The following SNRPD3 variants were observed in gnomAD, a reference collection of about 807,000 sequenced individuals.
SNRPD3 encodes the protein small nuclear ribonucleoprotein D3 polypeptide.
For missense variants in SNRPD3, 73 were observed against 167.5 expected (o/e 0.44, Z 3.11); for synonymous variants, 66 against 58.4 (o/e 1.13, Z -0.59).
intron 2 of SNRPD3, 55 bp from the exon 3 acceptor site, chr22:24,567,929 T>TC: frequency 7.1e-7 from 1 of 1,417,294 alleles, no homozygotes; most frequent in Non-Finnish European, 9.7e-7. Flanking sequence ...GTCAAGGCCC[T>TC]CCCCACCGCT....
At chr22:24,570,571 T>C (rs975360226) in intron 3 of SNRPD3, among the ~76,000 whole-genome samples, 1 of 151,998 alleles carries the variant, frequency 6.6e-6, no homozygotes, top group African/African-American at 2.4e-5. Flanking sequence ...TAGTCCCAGC[T>C]ACTCGGGAGG....
At position 24,565,358 on chromosome 22, in the gene SNRPD3, C is replaced by A. The variant is rs552578514; in HGVS notation, c.127-2626C>A. On this transcript the variant is annotated intron_variant, in intron 2 of 3. Coordinates refer to ENST00000215829, the MANE Select transcript of SNRPD3 (RefSeq NM_004175.5). ...GATCTGCCTCTGAATGGCTATGTCA[C>A]TTCATCTCTTTACCTTGTAGGATTT... Among the ~76,000 whole-genome samples the A allele has an allele frequency of 5.3e-5, 8 of 152,274 alleles. No individual in the cohort carries two copies. The East Asian group carries it at 1.2e-3, about 22-fold the overall frequency.
intron 2 of SNRPD3, among the ~76,000 whole-genome samples, chr22:24,565,258 T>A (rs974555591): frequency 1.3e-5 from 2 of 151,926 alleles, no homozygotes; most frequent in Non-Finnish European, 2.9e-5. Context: ...GGGTTCAAAC[T>A]CCAGCCAGGC....
intron 2 of SNRPD3, among the ~76,000 whole-genome samples, chr22:24,566,320 A>AG (rs969143732): frequency 1.2e-4 from 19 of 152,164 alleles, no homozygotes; most frequent in African/African-American, 4.1e-4. Flanking sequence ...GGCCCAGGCT[A>AG]GGGTGCAGTG....
chr22:24,567,603 G>A (rs184282926), intron 2 of SNRPD3, among the ~76,000 whole-genome samples: 1 of 152,022 alleles, frequency 6.6e-6, no homozygotes, highest in Non-Finnish European at 1.5e-5. Context: ...AAAATTAGCC[G>A]GGCATGGTGG....
At chr22:24,563,202 A>G (rs1318300293) in intron 2 of SNRPD3, among the ~76,000 whole-genome samples, 43 of 138,888 alleles carry the variant, frequency 3.1e-4, no homozygotes, top group Middle Eastern at 3.7e-3. Context: ...ACCCTGTCTC[A>G]TATATGTGTG....
At position 24,573,181 on chromosome 22, in the gene SNRPD3, G is replaced by T. The variant is rs904871611; in HGVS notation, c.*1204G>T. ...ACCTTGCCACTGTACTCCAGCCTGG[G>T]CAAAAGAGCAAGACTTTGTCTTTAA... On this transcript the variant is annotated 3_prime_UTR_variant, in exon 4 of 4. Transcript: ENST00000215829. Among the ~76,000 whole-genome samples the T allele has an allele frequency of 1.3e-5, 2 of 151,968 alleles. No individual in the cohort carries two copies. The highest frequency in any genetic ancestry group is 4.8e-5 in the African/African-American group (2 of 41,360).
At chr22:24,558,327 C>T (rs2045100472) in intron 2 of SNRPD3, among the ~76,000 whole-genome samples, 1 of 152,190 alleles carries the variant, frequency 6.6e-6, no homozygotes, top group Non-Finnish European at 1.5e-5. Context: ...GAGTAGTTTC[C>T]TGATATGGTG....
chr22:24,562,999 A>G (rs1451950705), intron 2 of SNRPD3, among the ~76,000 whole-genome samples: 2 of 152,224 alleles, frequency 1.3e-5, no homozygotes, highest in Non-Finnish European at 2.9e-5. Context: ...ACATCCCCAT[A>G]CAAAATACCC....
At chr22:24,557,882 T>G in intron 2 of SNRPD3, 82 bp downstream of exon 2, 1 of 1,395,922 alleles carries the variant, frequency 7.2e-7, no homozygotes, top group Non-Finnish European at 9.7e-7. Flanking sequence ...TGAGGGTCTC[T>G]GGAAATTGTT....
upstream of SNRPD3, chr22:24,555,652 G>T: frequency 6.4e-7 from 1 of 1,550,676 alleles, no homozygotes; most frequent in Non-Finnish European, 8.7e-7. Context: ...ATTGTGACGG[G>T]AAGTCCTGGC....
At chr22:24,563,522 C>A (rs2045168470) in intron 2 of SNRPD3, among the ~76,000 whole-genome samples, 1 of 151,904 alleles carries the variant, frequency 6.6e-6, no homozygotes, top group Non-Finnish European at 1.5e-5. Context: ...GCATGTTGGT[C>A]AAAATGCTGT....
chr22:24,564,488 G>T (rs1426682144), intron 2 of SNRPD3, among the ~76,000 whole-genome samples: 7 of 152,240 alleles, frequency 4.6e-5, no homozygotes, highest in African/African-American at 1.7e-4. Flanking sequence ...TACAAACACA[G>T]GTCAGGCTTA....
chr22:24,555,926 TG>T, upstream of SNRPD3: 1 of 1,273,818 alleles, frequency 7.9e-7, no homozygotes, highest in Non-Finnish European at 1.1e-6. Context: ...CGCTCAACAC[TG>T]GGGAAAGGAA....
At chr22:24,560,119 C>CCTTTCTCTGTCACCCAGGCTGCAGT (rs2045119323) in intron 2 of SNRPD3, among the ~76,000 whole-genome samples, 1 of 100,254 alleles carries the variant, frequency 1.0e-5, no homozygotes, top group Non-Finnish European at 1.9e-5. Context: ...TGAGATGGAG[C>CCTTTCTCTGTCACCCAGGCTGCAGT]CTTGCTCTGT....
At chr22:24,557,398 T>C (rs544240440) in intron 1 of SNRPD3, among the ~76,000 whole-genome samples, 23 of 152,274 alleles carry the variant, frequency 1.5e-4, no homozygotes, top group African/African-American at 5.5e-4. Flanking sequence ...ACATGACCCA[T>C]GGGAGATGCT....
chr22:24,555,809 C>T (rs377656284), upstream of SNRPD3: 395 of 1,547,464 alleles, frequency 2.6e-4, 7 homozygotes, highest in South Asian at 3.8e-3. Flanking sequence ...GTTGCGGCGG[C>T]CCCCGGGCCC....
intron 2 of SNRPD3, among the ~76,000 whole-genome samples, chr22:24,560,841 T>C (rs1398758782): frequency 6.7e-6 from 1 of 149,738 alleles, no homozygotes; most frequent in African/African-American, 2.5e-5. Context: ...GCAACTCTCT[T>C]GCCTCAGCCT....
At chr22:24,557,197 G>A (rs1233581689) in intron 1 of SNRPD3, among the ~76,000 whole-genome samples, 1 of 152,126 alleles carries the variant, frequency 6.6e-6, no homozygotes, top group East Asian at 1.9e-4. Context: ...AATTTAAATA[G>A]CTACGTGTGT....
Sources: allele counts gnomAD v4.1 joint callset (sites outside exome capture counted in the v4.1 genomes callset), GRCh38; gene constraint gnomAD v4.1.1; transcripts MANE v1.5; gene names NCBI Gene and HGNC (gene_info 2026-07-23, HGNC 2026-07-21).